PTBP3: variants seen among roughly 807,000 people sequenced by gnomAD.
PTBP3 encodes the protein polypyrimidine tract binding protein 3.
PTBP3 carries 20 observed loss-of-function variants against 58.7 expected under a neutral mutation model. That is an observed-to-expected ratio of 0.34 (90% CI 0.24 to 0.50). PTBP3 has a LOEUF of 0.50. Among genes scored for constraint, PTBP3 ranks in the 20% least tolerant of loss-of-function variants. PTBP3 has a pLI of 0.98. For synonymous variants in PTBP3, 185 were observed against 219.8 expected (o/e 0.84, Z 1.40); for missense variants, 509 against 637.2 (o/e 0.80, Z 2.17).
At chr9:112,306,602 ATATTTTTGTT>A (rs1829227559) in intron 1 of PTBP3, among the ~76,000 whole-genome samples, 1 of 84,990 alleles carries the variant, frequency 1.2e-5, no homozygotes, top group African/African-American at 7.4e-5. Flanking sequence ...ATATATATAT[ATATTTTTGTT>A]TGTTTGTTTG....
the PTBP3 span, among the ~76,000 whole-genome samples, chr9:112,367,383 T>C: frequency 6.6e-6 from 1 of 152,208 alleles, no homozygotes; most frequent in Non-Finnish European, 1.5e-5. Context: ...TAGCATTTCT[T>C]GTAAAGCAGA....
At chr9:112,266,691 T>G (rs189295086) in intron 4 of PTBP3, among the ~76,000 whole-genome samples, 1 of 152,214 alleles carries the variant, frequency 6.6e-6, no homozygotes, top group South Asian at 2.1e-4. Context: ...AATAAACCCA[T>G]GTCCATAACA....
intron 8 of PTBP3, among the ~76,000 whole-genome samples, chr9:112,233,050 T>C (rs1170680914): frequency 6.6e-6 from 1 of 151,914 alleles, no homozygotes; most frequent in East Asian, 1.9e-4. Flanking sequence ...TTCAGCCTAT[T>C]CTGCTTGATA....
upstream of PTBP3, among the ~76,000 whole-genome samples, chr9:112,334,475 A>G (rs1030749187): frequency 6.6e-6 from 1 of 152,190 alleles, no homozygotes; most frequent in Non-Finnish European, 1.5e-5. Context: ...CAAAAAGTAT[A>G]TATATAATAT....
At chr9:112,363,644 T>C in the PTBP3 span, among the ~76,000 whole-genome samples, 1 of 152,190 alleles carries the variant, frequency 6.6e-6, no homozygotes, top group Non-Finnish European at 1.5e-5. Context: ...ATTCTATTAA[T>C]TGATCTATAT....
chr9:112,379,855 G>T, the PTBP3 span: 3 of 520,736 alleles, frequency 5.8e-6, no homozygotes, highest in Non-Finnish European at 1.0e-5. Context: ...GGCGCCGACA[G>T]GAGCCTGATT....
chr9:112,327,689 A>G (rs1409004176), intron 1 of PTBP3, among the ~76,000 whole-genome samples: 1 of 152,218 alleles, frequency 6.6e-6, no homozygotes, highest in Non-Finnish European at 1.5e-5. Context: ...ACACTTAGGT[A>G]TAACATGAGA....
At chr9:112,325,423 G>A (rs1830116336) in intron 1 of PTBP3, among the ~76,000 whole-genome samples, 1 of 151,858 alleles carries the variant, frequency 6.6e-6, no homozygotes, top group African/African-American at 2.4e-5. Flanking sequence ...GCCAGCTGGC[G>A]GGACCCCTCT....
chr9:112,276,980 A>C (rs1827636460), intron 2 of PTBP3, among the ~76,000 whole-genome samples: 1 of 152,216 alleles, frequency 6.6e-6, no homozygotes, highest in South Asian at 2.1e-4. Context: ...AGAAAAACAT[A>C]ATCTTTCCAA....
At chr9:112,332,986 T>A in intron 1 of PTBP3, 1 of 1,316,918 alleles carries the variant, frequency 7.6e-7, no homozygotes, top group Non-Finnish European at 9.7e-7. Context: ...CCCAGACGTG[T>A]ACCGACGCGT....
intron 1 of PTBP3, among the ~76,000 whole-genome samples, chr9:112,313,441 CA>C (rs1466000156): frequency 6.6e-6 from 1 of 152,110 alleles, no homozygotes; most frequent in East Asian, 1.9e-4. Context: ...ATTGTTTATC[CA>C]TGCCTGGATA....
intron 9 of PTBP3, 117 bp downstream of exon 9, chr9:112,231,982 A>AAG (rs879678029): frequency 0.022 from 8,328 of 374,416 alleles, 157 homozygotes; most frequent in African/African-American, 0.041. Flanking sequence ...AAGAGAAGAG[A>AAG]AGAGAAGAGA....
the PTBP3 span, among the ~76,000 whole-genome samples, chr9:112,378,651 AAC>A: frequency 3.3e-5 from 5 of 152,236 alleles, no homozygotes; most frequent in Admixed American, 3.3e-4. Context: ...CTCTTCTTAA[AAC>A]ACCTAATGCT....
rs1564402965 is a variant in PTBP3 at position 112,247,265 on chromosome 9, CAATAATAAATA to C, written c.802+3653_802+3663del. 6.3e-5 allele frequency among the ~76,000 whole-genome samples: 7 copies of C among 111,236 alleles called. No individual in the cohort carries two copies. The South Asian group carries it at 2.1e-3, about 33-fold the overall frequency. 73.0% of individuals were successfully genotyped at this position (111,236 alleles called of 152,430 possible). ...TGGGCAACAGATTAAGTCCCTGTTT[CAATAATAAATA>C]AATAAATAAATAAATAAATAAATAA... On this transcript the variant is annotated intron_variant, in intron 7 of 13. Coordinates refer to ENST00000374257, the MANE Select transcript of PTBP3 (RefSeq NM_001163788.4).
In PTBP3 at chr9:112,220,984, A is replaced by C. The variant is rs1481594704; in HGVS notation, c.*2867T>G. ...AGAGATACACAGATCTAGTTTTTCC[A>C]CCATCCTGATATTTTTTAATCTTTT... On this transcript the variant is annotated 3_prime_UTR_variant, in exon 14 of 14. Transcript: ENST00000374257. The C allele has an allele frequency of 2.1e-6, 2 of 970,318 alleles. No individual in the cohort carries two copies. Among genetic ancestry groups the C allele is most frequent in the East Asian group, 1.1e-4 (1 of 8,748 alleles). 60.1% of individuals were successfully genotyped at this position (970,318 alleles called of 1,614,324 possible).
rs1834705979 is a variant in PTBP3, at chr9:112,218,780, A to G, written c.*5071T>C. The G allele has an allele frequency of 6.6e-6, 1 of 152,624 alleles. No individual in the cohort carries two copies. The highest frequency in any genetic ancestry group is 1.5e-5 in the Non-Finnish European group (1 of 68,040). The allele number at this position is 152,624 out of a possible 1,614,324, so 9.5% of individuals were successfully genotyped here. On this transcript the variant is annotated 3_prime_UTR_variant, in exon 14 of 14. Coordinates refer to ENST00000374257, the MANE Select transcript of PTBP3 (RefSeq NM_001163788.4). The stretch of plus-strand genomic sequence containing the variant: ...ATGTTTTATATAAAACCACTTTATA[A>G]GTTCATTTGTTCCCAAAAACCTTTT...
intron 5 of PTBP3, among the ~76,000 whole-genome samples, chr9:112,260,178 G>A (rs1396274205): frequency 6.6e-6 from 1 of 151,998 alleles, no homozygotes; most frequent in Non-Finnish European, 1.5e-5. Flanking sequence ...CAAAGTGTTG[G>A]GATTACAGGC....
chr9:112,258,315 T>G (rs950336190), intron 5 of PTBP3, among the ~76,000 whole-genome samples: 1 of 152,172 alleles, frequency 6.6e-6, no homozygotes, highest in Non-Finnish European at 1.5e-5. Context: ...ACATAATGAA[T>G]CAGTTGATGA....
chr9:112,255,414 T>C, intron 5 of PTBP3, among the ~76,000 whole-genome samples: 1 of 152,172 alleles, frequency 6.6e-6, no homozygotes, highest in Non-Finnish European at 1.5e-5. Flanking sequence ...TGGCAAGACA[T>C]GAATCAATGT....
Sources: allele counts gnomAD v4.1 joint callset (sites outside exome capture counted in the v4.1 genomes callset), GRCh38; gene constraint gnomAD v4.1.1; transcripts MANE v1.5; gene names NCBI Gene and HGNC (gene_info 2026-07-23, HGNC 2026-07-21).